Variants in FAM168A observed in about 807,000 individuals in gnomAD.
The protein encoded by FAM168A is protein FAM168A.
FAM168A carries 3 observed loss-of-function variants against 28.5 expected under a neutral mutation model. That is an observed-to-expected ratio of 0.11 (90% CI 0.05 to 0.27). The LOEUF is 0.27. FAM168A is among the 10% of genes least tolerant of loss of function. The pLI is 1.00. For missense variants in FAM168A, 222 were observed against 311.5 expected (o/e 0.71, Z 2.16); for synonymous variants, 122 against 124.2 (o/e 0.98, Z 0.12).
chr11:73,464,453 C>T (rs13377500), intron 2 of FAM168A, among the ~76,000 whole-genome samples: 4,926 of 152,054 alleles, frequency 0.032, 265 homozygotes, highest in African/African-American at 0.11. Context: ...GCATTTAGAC[C>T]TATGTTTTCT....
At chr11:73,479,862 AAC>A (rs2134592026) in intron 1 of FAM168A, among the ~76,000 whole-genome samples, 1 of 152,352 alleles carries the variant, frequency 6.6e-6, no homozygotes, top group Non-Finnish European at 1.5e-5. Context: ...GATGAATAAA[AAC>A]AGTTTACTGG....
At chr11:73,424,933 T>A in intron 3 of FAM168A, 2 of 1,115,586 alleles carry the variant, frequency 1.8e-6, no homozygotes, top group Admixed American at 2.8e-5. Context: ...GGGATGGGAT[T>A]TGGGGAGGAG....
rs1435743162 is a variant in FAM168A, at chr11:73,561,078, AAAC to A, written c.-19+36842_-19+36844del. On this transcript the variant is annotated intron_variant, in intron 1 of 7. Coordinates refer to ENST00000356467, the MANE Select transcript of FAM168A (RefSeq NM_015159.3). ...CTCTGTCCCAAAAAAAAAAAACAAAAAACAAAAAGACCGGGCGCGGTGGCGGTG... is the reference window on the plus strand; with the variant it reads ...CTCTGTCCCAAAAAAAAAAAACAAAAAAAAAGACCGGGCGCGGTGGCGGTG... Among the ~76,000 whole-genome samples, 19 of 148,732 alleles carry A rather than the reference AAAC, an allele frequency of 1.3e-4. 2 individuals are homozygous for A. Among genetic ancestry groups the A allele is most frequent in the South Asian group, 2.1e-4 (1 of 4,692 alleles).
intron 1 of FAM168A, among the ~76,000 whole-genome samples, chr11:73,583,081 G>A (rs1463220786): frequency 2.6e-5 from 4 of 152,154 alleles, no homozygotes; most frequent in African/African-American, 9.7e-5. Context: ...AAGGCAGGCG[G>A]ATCACGAGGT....
intron 5 of FAM168A, among the ~76,000 whole-genome samples, chr11:73,409,946 A>T (rs2134479724): frequency 6.6e-6 from 1 of 152,338 alleles, no homozygotes; most frequent in East Asian, 1.9e-4. Context: ...TCTTACTGCA[A>T]TGAACTTTTA....
At chr11:73,535,165 T>A (rs566464841) in intron 1 of FAM168A, among the ~76,000 whole-genome samples, 1 of 152,228 alleles carries the variant, frequency 6.6e-6, no homozygotes, top group East Asian at 1.9e-4. Context: ...AAACCTTTTT[T>A]TTTTCTTTTT....
intron 4 of FAM168A, 49 bp downstream of exon 4, chr11:73,419,825 A>C: frequency 6.2e-7 from 1 of 1,603,038 alleles, no homozygotes; most frequent in African/African-American, 1.3e-5. Context: ...CTAAGAAACA[A>C]ATCAGTCCCA....
intron 1 of FAM168A, among the ~76,000 whole-genome samples, chr11:73,588,161 C>G (rs1341381229): frequency 2.0e-5 from 3 of 152,024 alleles, no homozygotes; most frequent in Non-Finnish European, 4.4e-5. Context: ...TAATAAACAC[C>G]ATTTTTACTT....
chr11:73,508,968 T>C (rs1373703378), intron 1 of FAM168A, among the ~76,000 whole-genome samples: 1 of 152,222 alleles, frequency 6.6e-6, no homozygotes, highest in Non-Finnish European at 1.5e-5. Context: ...GCACATGCTC[T>C]CTTGCCTGCT....
chr11:73,566,515 G>A (rs1944021417), intron 1 of FAM168A, among the ~76,000 whole-genome samples: 1 of 152,162 alleles, frequency 6.6e-6, no homozygotes. Context: ...GCATCCATTT[G>A]TTGAAATAGC....
At chr11:73,484,155 G>A (rs1343920066) in intron 1 of FAM168A, among the ~76,000 whole-genome samples, 2 of 152,076 alleles carry the variant, frequency 1.3e-5, no homozygotes, top group African/African-American at 4.8e-5. Context: ...CAGCGCTGAG[G>A]ATACAGAGTA....
chr11:73,458,749 T>C (rs1351127709), intron 2 of FAM168A, among the ~76,000 whole-genome samples: 1 of 152,024 alleles, frequency 6.6e-6, no homozygotes, highest in Non-Finnish European at 1.5e-5. Context: ...TAGCTGGGAT[T>C]ACAGGTGCCT....
intron 2 of FAM168A, among the ~76,000 whole-genome samples, chr11:73,439,908 G>A (rs1247065369): frequency 1.7e-5 from 2 of 118,774 alleles, no homozygotes; most frequent in Admixed American, 9.4e-5. Context: ...TTTTTGAGTC[G>A]GAGTTTTGCT....
At chr11:73,585,201 A>G (rs1164470628) in intron 1 of FAM168A, among the ~76,000 whole-genome samples, 1 of 152,232 alleles carries the variant, frequency 6.6e-6, no homozygotes, top group Non-Finnish European at 1.5e-5. Flanking sequence ...CATATACTGA[A>G]AGTCACAATA....
At chr11:73,564,848 C>T (rs1337239012) in intron 1 of FAM168A, among the ~76,000 whole-genome samples, 3 of 147,970 alleles carry the variant, frequency 2.0e-5, no homozygotes, top group African/African-American at 7.5e-5. Context: ...CTTAAAACAA[C>T]GTGTCAGAGT....
intron 2 of FAM168A, among the ~76,000 whole-genome samples, chr11:73,445,419 C>CTCTTTTTTTTTTTTTTTTTTTT (rs776745757): frequency 2.0e-5 from 1 of 50,432 alleles, no homozygotes; most frequent in African/African-American, 7.1e-5. Flanking sequence ...AAAAATGTCT[C>CTCTTTTTTTTTTTTTTTTTTTT]TTTTTTTTTT....
At chr11:73,543,003 CAATATGACTTGCTCCTTTATTT>C (rs1943677254) in intron 1 of FAM168A, among the ~76,000 whole-genome samples, 1 of 152,150 alleles carries the variant, frequency 6.6e-6, no homozygotes, top group Admixed American at 6.5e-5. Context: ...CTCAAATTAT[CAATATGACTTGCTCCTTTATTT>C]CATTAAGATC....
intron 2 of FAM168A, among the ~76,000 whole-genome samples, chr11:73,439,033 T>C (rs918852148): frequency 3.3e-5 from 5 of 149,954 alleles, no homozygotes; most frequent in African/African-American, 1.2e-4. Flanking sequence ...GAAAAATGCA[T>C]GAATCTGAAT....
intron 1 of FAM168A, among the ~76,000 whole-genome samples, chr11:73,520,372 A>T (rs1455335443): frequency 6.6e-6 from 1 of 152,132 alleles, no homozygotes; most frequent in African/African-American, 2.4e-5. Context: ...TTTTAAAGCT[A>T]GCTTTATATA....
Sources: allele counts gnomAD v4.1 joint callset (sites outside exome capture counted in the v4.1 genomes callset), GRCh38; gene constraint gnomAD v4.1.1; transcripts MANE v1.5; gene names NCBI Gene and HGNC (gene_info 2026-07-23, HGNC 2026-07-21).